CUL9: variants seen among roughly 807,000 people sequenced by gnomAD.
CUL9 encodes the protein cullin 9.
In CUL9, 79 loss-of-function variants were observed where a neutral mutation model predicts 272.6. The observed-to-expected ratio is 0.29, with a 90% CI of 0.24 to 0.35. The LOEUF (loss-of-function observed/expected upper bound fraction) is 0.35. CUL9 is among the 10% of genes least tolerant of loss of function. The pLI is 1.00. For missense variants in CUL9, 2,532 were observed against 3,255.6 expected, an observed-to-expected ratio of 0.78 and a Z score of 5.41; for synonymous variants, 1,186 against 1,286.5, an observed-to-expected ratio of 0.92 and a Z score of 1.67.
intron 26 of CUL9, chr6:43,212,840 T>G: frequency 3.5e-6 from 1 of 285,740 alleles, no homozygotes; most frequent in Non-Finnish European, 6.6e-6. Flanking sequence ...GCCCAGTGGG[T>G]CTTTAAAACT....
Position 43,184,922 on chromosome 6 carries a change from G to T in CUL9, c.595+17G>T. ...ACGATGCTGGTAAGAGACAGCCAGGGAAGAAGGAAAGGAATGGAGAAAATG... is the reference window on the plus strand; with the variant it reads ...ACGATGCTGGTAAGAGACAGCCAGGTAAGAAGGAAAGGAATGGAGAAAATG... On this transcript the variant is annotated intron_variant, in intron 2 of 40. Transcript: ENST00000252050. The surrounding 1 kb of genome is among the most constrained non-coding windows in gnomAD (Gnocchi z 4.8). 3.2e-6 allele frequency: 5 copies of T among 1,567,114 alleles called. No individual in the cohort carries two copies. Among genetic ancestry groups the T allele is most frequent in the Non-Finnish European group, 4.3e-6 (5 of 1,155,624 alleles).
rs149042914 is a variant in CUL9 at position 43,206,417 on chromosome 6, G to A, written c.5119G>A (p.Val1707Ile). The change falls in exon 26 of 41, where the codon GTC (valine) becomes ATC (isoleucine). Residue 1707 changes from valine (V) to isoleucine (I), a missense_variant. Transcript: ENST00000252050. This position sits in a 1 kb window ranked among gnomAD's most constrained non-coding sequence, Gnocchi z 4.8. Reference sequence around the variant, plus strand: ...GGTCCTGTCACCACGCTGCTGGCCCGTCTCCCCACTCTGCTACCTGTACCA... The same window carrying A: ...GGTCCTGTCACCACGCTGCTGGCCCATCTCCCCACTCTGCTACCTGTACCA... ...ILVLSPRCWPVSPLCYLYHPR... is the reference protein window; with the variant it reads ...ILVLSPRCWPISPLCYLYHPR... The A allele has an allele frequency of 4.3e-6, 7 of 1,614,030 alleles. No homozygotes were observed. Among genetic ancestry groups the A allele is most frequent in the Admixed American group, 1.7e-5 (1 of 60,000 alleles).
chr6:43,218,688 T>A lies in CUL9; in HGVS notation c.6283-1771T>A, dbSNP rs1165530468. On this transcript the variant is annotated intron_variant, in intron 31 of 40. Transcript: ENST00000252050. The surrounding 1 kb of genome is among the most constrained non-coding windows in gnomAD (Gnocchi z 4.4). ...GGGTGGATTGGGACACATTTGGAAG[T>A]GGAGCTGACGGGAGTTGGTGGGTTA... Among the ~76,000 whole-genome samples the A allele has an allele frequency of 6.6e-6, 1 of 152,100 alleles. No homozygotes were observed. Among genetic ancestry groups the A allele is most frequent in the Non-Finnish European group, 1.5e-5 (1 of 68,016 alleles).
In CUL9 at chr6:43,216,276, T is replaced by G. The variant is rs368217164; in HGVS notation, c.6055T>G (p.Leu2019Val). 2 of 1,614,004 alleles carry G rather than the reference T, an allele frequency of 1.2e-6. No individual in the cohort carries two copies. The highest frequency in any genetic ancestry group is 1.7e-6 in the Non-Finnish European group (2 of 1,179,936). The change falls in exon 31 of 41, where the codon TTA (leucine) becomes GTA (valine). Residue 2019 changes from leucine to valine, a missense_variant. Physicochemically the swap from Leu to Val is conservative, Grantham distance 32 (BLOSUM62 1). This residue lies in a region of CUL9 where 2,218 missense variants were observed against 2,788.6 expected (regional missense o/e 0.80). Transcript: ENST00000252050. ...GCGTCAGGTGCAGGAGACGCTGAAC[T>G]TAGAGCCAGATGTCGCTCAGCACCT... ...TVRQVQETLN[L>V]EPDVAQHLLA...
chr6:43,214,018 T>A, intron 29 of CUL9, 106 bp downstream of exon 29: 1 of 1,149,194 alleles, frequency 8.7e-7, no homozygotes, highest in Non-Finnish European at 1.3e-6. Flanking sequence ...TAGGGTGACA[T>A]TTCCATCTGG....
chr6:43,223,487 C>A lies in CUL9; in HGVS notation c.7284+90C>A. 1.4e-6 allele frequency: 2 copies of A among 1,466,272 alleles called. No homozygotes were observed. Among genetic ancestry groups the A allele is most frequent in the East Asian group, 2.5e-5 (1 of 40,380 alleles). The allele number at this position is 1,466,272 out of a possible 1,614,324, so 90.8% of individuals were successfully genotyped here. ...GCACAGCCCCTGCCCTGGGGCGAGT[C>A]CAGAAGGAAAGGCAGCAAAGCGGGT... is the stretch of plus-strand genomic sequence containing the variant. On this transcript the variant is annotated intron_variant, in intron 39 of 40. Transcript: ENST00000252050. This position sits in a 1 kb window ranked among gnomAD's most constrained non-coding sequence, Gnocchi z 4.1.
chr6:43,184,242 C>T lies in CUL9; in HGVS notation c.-9-60C>T, dbSNP rs1362459494. On this transcript the variant is annotated intron_variant, in intron 1 of 40. Transcript: ENST00000252050. This position sits in a 1 kb window ranked among gnomAD's most constrained non-coding sequence, Gnocchi z 4.8. ...CTTCTCTGTGTCTCAAGATTCCACC[C>T]CCTCCATGTATTTTTTTTCTTTTCT... 5 of 1,258,014 alleles carry T rather than the reference C, an allele frequency of 4.0e-6. No homozygotes were observed. The highest frequency in any genetic ancestry group is 2.3e-4 in the Middle Eastern group (1 of 4,406). The allele number at this position is 1,258,014 out of a possible 1,614,324, so 77.9% of individuals were successfully genotyped here. A position where few individuals can be genotyped will look rare whatever the true frequency, so the allele number is the denominator to read the frequency against.
chr6:43,200,166 G>A lies in CUL9; in HGVS notation c.3384+10G>A, dbSNP rs922135217. 8 of 1,610,456 alleles carry A rather than the reference G, an allele frequency of 5.0e-6. No homozygotes were observed. Among genetic ancestry groups the A allele is most frequent in the Middle Eastern group, 1.7e-4 (1 of 5,846 alleles). On this transcript the variant is annotated intron_variant, in intron 14 of 40. Coordinates refer to ENST00000252050, the MANE Select transcript of CUL9 (RefSeq NM_015089.4). The surrounding 1 kb of genome is among the most constrained non-coding windows in gnomAD (Gnocchi z 4.0). ...GGCCGGCTGCATTCAGGTGAGGAGCGGCTGTGGGTATGCAGCTGAGAGAAT... is the reference window on the plus strand; with the variant it reads ...GGCCGGCTGCATTCAGGTGAGGAGCAGCTGTGGGTATGCAGCTGAGAGAAT...
At position 43,216,452 on chromosome 6, in the gene CUL9, G is replaced by A; in HGVS notation, c.6231G>A (p.Leu2077=). ...PDHCPVCVSP[L]GCDDDLPSLC... is the part of the protein sequence containing the mutation. ...ACTGCCCCGTCTGTGTGAGCCCCCT[G>A]GGGTGTGACGACGACCTGCCCTCTC... The change falls in exon 31 of 41, where the codon CTG becomes CTA. Residue 2077 remains leucine, a synonymous_variant. Coordinates refer to ENST00000252050, the MANE Select transcript of CUL9 (RefSeq NM_015089.4). 1 of 1,606,692 alleles carries A rather than the reference G, an allele frequency of 6.2e-7. No homozygotes were observed. Among genetic ancestry groups the A allele is most frequent in the Non-Finnish European group, 8.5e-7 (1 of 1,174,022 alleles).
In CUL9 at chr6:43,206,299, T is replaced by G; in HGVS notation, c.5023-22T>G. ...ACCAAGGAAGGGAGCCCAAGGGCCCTTGAAATCCTTCTGTCCCTCAGGAGG... is the reference window on the plus strand; with the variant it reads ...ACCAAGGAAGGGAGCCCAAGGGCCCGTGAAATCCTTCTGTCCCTCAGGAGG... On this transcript the variant is annotated intron_variant, in intron 25 of 40. Coordinates refer to ENST00000252050, the MANE Select transcript of CUL9 (RefSeq NM_015089.4). The surrounding 1 kb of genome is among the most constrained non-coding windows in gnomAD (Gnocchi z 4.8). The G allele has an allele frequency of 1.2e-6, 2 of 1,613,350 alleles. No homozygotes were observed. The highest frequency in any genetic ancestry group is 1.7e-6 in the Non-Finnish European group (2 of 1,179,508).
intron 8 of CUL9, among the ~76,000 whole-genome samples, chr6:43,189,755 C>T (rs887042794): frequency 6.6e-6 from 1 of 152,036 alleles, no homozygotes; most frequent in African/African-American, 2.4e-5. Context: ...GTTGGCCAGG[C>T]TGGTCTCGAA....
chr6:43,203,918 G>A lies in CUL9; in HGVS notation c.4090G>A (p.Ala1364Thr), dbSNP rs1026865211. 4.3e-6 allele frequency: 7 copies of A among 1,613,528 alleles called. No homozygotes were observed. Among genetic ancestry groups the A allele is most frequent in the Admixed American group, 1.7e-5 (1 of 59,992 alleles). ...ADRFLPDDEAAQALGKTCWEA... is the reference protein window; with the variant it reads ...ADRFLPDDEATQALGKTCWEA... The stretch of plus-strand genomic sequence containing the variant: ...CCGCTTCCTCCCTGATGATGAGGCC[G>A]CCCAGGCACTGGGCAAGACCTGCTG... The change falls in exon 20 of 41, where the codon GCC (alanine) becomes ACC (threonine). Residue 1364 changes from alanine (A) to threonine (T), a missense_variant. By Grantham distance (58) the Ala-to-Thr change is moderately conservative. Around this residue, in one of 3 missense-constraint regions of CUL9, gnomAD observed 2,218 missense variants for 2,788.6 expected, o/e 0.80. Coordinates refer to ENST00000252050, the MANE Select transcript of CUL9 (RefSeq NM_015089.4). This position sits in a 1 kb window ranked among gnomAD's most constrained non-coding sequence, Gnocchi z 5.0.
chr6:43,205,468 A>G (rs747420901), intron 24 of CUL9, 45 bp downstream of exon 24: 4 of 1,589,522 alleles, frequency 2.5e-6, no homozygotes, highest in East Asian at 2.3e-5. Flanking sequence ...GCCTAGATCT[A>G]GAGAGTGGAA....
chr6:43,186,981 C>T lies in CUL9; in HGVS notation c.1273C>T (p.Arg425Cys), dbSNP rs750831849. 6 of 1,614,030 alleles carry T rather than the reference C, an allele frequency of 3.7e-6. No homozygotes were observed. The highest frequency in any genetic ancestry group is 2.2e-5 in the East Asian group (1 of 44,874). ...CCAGGTTTTCTGGCAGTCGACAGGC[C>T]GCACTTACTGGGTGCACTGGCACAT... ...PVQVFWQSTGRTYWVHWHMLE... is the reference protein window; with the variant it reads ...PVQVFWQSTGCTYWVHWHMLE... Residue 425 changes from arginine to cysteine, a missense_variant, in exon 5 of 41, where the codon CGC (arginine) becomes TGC (cysteine). Physicochemically the swap from Arg to Cys is radical, Grantham distance 180. Transcript: ENST00000252050.
chr6:43,196,593 C>G, intron 10 of CUL9, 52 bp from the exon 11 acceptor site: 1 of 1,472,618 alleles, frequency 6.8e-7, no homozygotes, highest in Non-Finnish European at 9.5e-7. Flanking sequence ...TTTGCTGCTT[C>G]CATTGCATTC....
Position 43,199,382 on chromosome 6 carries a change from C to T in CUL9, c.3156+11C>T, listed in dbSNP as rs552743925. The T allele has an allele frequency of 6.2e-7, 1 of 1,605,610 alleles. No individual in the cohort carries two copies. The highest frequency in any genetic ancestry group is 1.3e-5 in the African/African-American group (1 of 74,832). On this transcript the variant is annotated intron_variant, in intron 13 of 40. Coordinates refer to ENST00000252050, the MANE Select transcript of CUL9 (RefSeq NM_015089.4). The surrounding 1 kb of genome is among the most constrained non-coding windows in gnomAD (Gnocchi z 4.4). ...AGCAGTGACTCCGAGGTACCAGAAC[C>T]CTGGCAAGGAGAAGAGAGGGAAGGG...
Position 43,213,886 on chromosome 6 carries a change from C to G in CUL9, c.5662C>G (p.Leu1888Val). The stretch of plus-strand genomic sequence containing the variant: ...TCTCAAAGCCCATGGGGAAAAGGGC[C>G]TCCACATTGATCAGCTGGTTTGTCT... The part of the protein sequence containing the change: ...RILKAHGEKG[L>V]HIDQLVCLVL... The change falls in exon 29 of 41, where the codon CTC becomes GTC. Residue 1888 changes from leucine to valine, a missense_variant. Coordinates refer to ENST00000252050, the MANE Select transcript of CUL9 (RefSeq NM_015089.4). This position sits in a 1 kb window ranked among gnomAD's most constrained non-coding sequence, Gnocchi z 5.7. 1.9e-6 allele frequency: 3 copies of G among 1,614,086 alleles called. No homozygotes were observed. The highest frequency in any genetic ancestry group is 2.5e-6 in the Non-Finnish European group (3 of 1,180,024).
At position 43,186,058 on chromosome 6, in the gene CUL9, G is replaced by C. The variant is rs771649929; in HGVS notation, c.854G>C (p.Ser285Thr). 1 of 1,614,238 alleles carries C rather than the reference G, an allele frequency of 6.2e-7. No homozygotes were observed. The highest frequency in any genetic ancestry group is 2.2e-5 in the East Asian group (1 of 44,886). The change falls in exon 4 of 41, where the codon AGC (serine) becomes ACC (threonine). Residue 285 changes from serine to threonine, a missense_variant. Ser to Thr is a moderately conservative substitution (Grantham distance 58). Transcript: ENST00000252050. ...SSPELGAGDQ[S>T]SPCATREKSR... ...CCAGAGCTGGGAGCTGGAGACCAAAGCTCCCCATGTGCCACAAGAGAGAAA... is the reference window on the plus strand; with the variant it reads ...CCAGAGCTGGGAGCTGGAGACCAAACCTCCCCATGTGCCACAAGAGAGAAA...
chr6:43,211,075 T>A (rs1775441235), intron 26 of CUL9, among the ~76,000 whole-genome samples: 1 of 152,240 alleles, frequency 6.6e-6, no homozygotes, highest in Non-Finnish European at 1.5e-5. Context: ...TAGAAAATCT[T>A]AACTCCAGCT....
Sources: gnomAD v4.1 joint callset for allele counts (sites outside exome capture counted in the v4.1 genomes callset) on GRCh38, gnomAD v4.1.1 for gene constraint, gnomAD v4.1.1 regional missense constraint, Gnocchi (gnomAD v3.1) non-coding constraint, MANE v1.5 for transcripts, NCBI Gene and HGNC (gene_info 2026-07-23, HGNC 2026-07-21) for gene names.